TXNDC11: variants seen among roughly 807,000 people sequenced by gnomAD.
TXNDC11 encodes the protein thioredoxin domain-containing protein 11.
In TXNDC11, 68 loss-of-function variants were observed where a neutral mutation model predicts 78.0. The observed-to-expected ratio is 0.87, with a 90% confidence interval of 0.72 to 1.07. The LOEUF (loss-of-function observed/expected upper bound fraction) is 1.07. Ranked by LOEUF, TXNDC11 falls within the 50% of genes least tolerant of loss-of-function variation. TXNDC11 has a pLI of 0.00. For missense variants in TXNDC11, 1,389 were observed against 1,221.8 expected (o/e 1.14, Z -2.04); for synonymous variants, 571 against 495.2 (o/e 1.15, Z -2.03).
At chr16:11,716,347 G>A (rs1351727224) in intron 5 of TXNDC11, among the ~76,000 whole-genome samples, 1 of 152,194 alleles carries the variant, frequency 6.6e-6, no homozygotes, top group Non-Finnish European at 1.5e-5. Context: ...ATAATCATCA[G>A]ATTTTTAAAA....
intron 5 of TXNDC11, among the ~76,000 whole-genome samples, chr16:11,719,315 G>A (rs1032309435): frequency 2.0e-5 from 3 of 152,190 alleles, no homozygotes; most frequent in Non-Finnish European, 4.4e-5. Flanking sequence ...TGCTTCTTAA[G>A]CTTATTTAAG....
chr16:11,716,183 C>T (rs770019364), intron 5 of TXNDC11, among the ~76,000 whole-genome samples: 7 of 152,210 alleles, frequency 4.6e-5, no homozygotes, highest in Non-Finnish European at 7.3e-5. Flanking sequence ...CAGCCCACTG[C>T]TTTTCTCCCT....
At chr16:11,737,369 C>T (rs772664139) in intron 1 of TXNDC11, among the ~76,000 whole-genome samples, 29 of 151,420 alleles carry the variant, frequency 1.9e-4, no homozygotes, top group South Asian at 6.3e-4. Flanking sequence ...CGCTTGAACC[C>T]GGGAGGCGGA....
chr16:11,719,825 A>C (rs921858160), intron 5 of TXNDC11, among the ~76,000 whole-genome samples: 1 of 152,224 alleles, frequency 6.6e-6, no homozygotes, highest in African/African-American at 2.4e-5. Context: ...ACAAAAAAAC[A>C]ACAGGGTACC....
Position 11,742,560 on chromosome 16 carries a change from G to A in TXNDC11, c.171C>T (p.Leu57=). 6.9e-7 allele frequency: 1 copy of A among 1,456,540 alleles called. No homozygotes were observed. The highest frequency in any genetic ancestry group is 9.0e-7 in the Non-Finnish European group (1 of 1,111,086). 90.2% of individuals were successfully genotyped at this position (1,456,540 alleles called of 1,614,324 possible). The change falls in exon 1 of 12, where the codon CTC becomes CTT. Residue 57 remains leucine, a synonymous_variant. Coordinates refer to ENST00000283033, the MANE Select transcript of TXNDC11 (RefSeq NM_015914.7). ...GCAGCTCCGGCCGCTGGCGCGCCAT[G>A]AGGAAGGCGCCACGCAGCCCGCGAC... ...RLRRGLRGAF[L]MARQRPELLC...
Position 11,679,978 on chromosome 16 carries a change from A to G in TXNDC11, c.2235-141T>C, listed in dbSNP as rs573675548. 91 of 755,366 alleles carry G rather than the reference A, an allele frequency of 1.2e-4. No individual in the cohort carries two copies. The Admixed American group carries it at 1.7e-3, about 14-fold the overall frequency. The allele number at this position is 755,366 out of a possible 1,614,324, so 46.8% of individuals were successfully genotyped here. ...GATTTTACTTACTGAAAGTAAGGAAAATGTTGCCTGGGCAAGAAATTCTCT... is the reference window on the plus strand; with the variant it reads ...GATTTTACTTACTGAAAGTAAGGAAGATGTTGCCTGGGCAAGAAATTCTCT... On this transcript the variant is annotated intron_variant, in intron 11 of 11. Coordinates refer to ENST00000283033, the MANE Select transcript of TXNDC11 (RefSeq NM_015914.7). This position sits in a 1 kb window ranked among gnomAD's most constrained non-coding sequence, Gnocchi z 4.6.
Position 11,707,308 on chromosome 16 carries a change from A to G in TXNDC11, c.794-6744T>C, listed in dbSNP as rs2051210591. Among the ~76,000 whole-genome samples the G allele has an allele frequency of 3.3e-5, 5 of 150,586 alleles. No homozygotes were observed. The South Asian group carries it at 8.7e-4, about 26-fold the overall frequency. The stretch of plus-strand genomic sequence containing the variant: ...GTGGCAGGCGCCTGTAGTCCCAGCT[A>G]TTTGGGAGGCTGAGGCAGGAGAATC... On this transcript the variant is annotated intron_variant, in intron 5 of 11. Transcript: ENST00000283033.
At chr16:11,712,929 A>AACACACACACACAC (rs111887849) in intron 5 of TXNDC11, among the ~76,000 whole-genome samples, 7,805 of 141,930 alleles carry the variant, frequency 0.055, 281 homozygotes, top group Non-Finnish European at 0.083. Context: ...TTCCACTTAA[A>AACACACACACACAC]ACACACACAC....
chr16:11,691,926 G>T lies in TXNDC11; in HGVS notation c.1264C>A (p.Pro422Thr), dbSNP rs765068497. The stretch of plus-strand genomic sequence containing the variant: ...GGCAGCACCACAGTGTTGCAGCAGG[G>T]GGACGCTGTGATCGTTGGCGGGTCT... ...LPDPPTITAS[P>T]CCNTVVLPQW... Residue 422 changes from proline (P) to threonine (T), a missense_variant, in exon 8 of 12, where the codon CCC becomes ACC. Coordinates refer to ENST00000283033, the MANE Select transcript of TXNDC11 (RefSeq NM_015914.7). 5 of 1,612,928 alleles carry T rather than the reference G, an allele frequency of 3.1e-6. No individual in the cohort carries two copies.
intron 2 of TXNDC11, among the ~76,000 whole-genome samples, chr16:11,735,044 A>T (rs1187293651): frequency 6.6e-6 from 1 of 152,230 alleles, no homozygotes; most frequent in African/African-American, 2.4e-5. Flanking sequence ...TTATTATCAA[A>T]GCCCAGTACC....
At chr16:11,735,575 C>A (rs1463963385) in intron 2 of TXNDC11, among the ~76,000 whole-genome samples, 1 of 152,154 alleles carries the variant, frequency 6.6e-6, no homozygotes, top group Admixed American at 6.5e-5. Context: ...TCTTACCTAG[C>A]CCAAAGGTGG....
intron 2 of TXNDC11, among the ~76,000 whole-genome samples, chr16:11,735,685 C>A (rs574625761): frequency 1.3e-5 from 2 of 152,312 alleles, no homozygotes; most frequent in East Asian, 3.9e-4. Flanking sequence ...ACCTAAAATA[C>A]CTAACTAGCA....
At chr16:11,695,953 C>T (rs1001689021) in intron 7 of TXNDC11, among the ~76,000 whole-genome samples, 3 of 151,282 alleles carry the variant, frequency 2.0e-5, no homozygotes, top group African/African-American at 4.9e-5. Context: ...GAGGATCACC[C>T]GAGCTCAGGA....
chr16:11,689,691 G>C (rs1344264330), intron 8 of TXNDC11, among the ~76,000 whole-genome samples: 1 of 152,088 alleles, frequency 6.6e-6, no homozygotes, highest in Non-Finnish European at 1.5e-5. Flanking sequence ...TTAAACACTT[G>C]AGCATTACTG....
chr16:11,726,598 A>T (rs1267519775), intron 4 of TXNDC11, among the ~76,000 whole-genome samples: 1 of 151,712 alleles, frequency 6.6e-6, no homozygotes, highest in Non-Finnish European at 1.5e-5. Context: ...AAAAAAAAAA[A>T]AAATTTCCAC....
chr16:11,693,901 G>A (rs780669044), intron 7 of TXNDC11, among the ~76,000 whole-genome samples: 8 of 151,876 alleles, frequency 5.3e-5, no homozygotes, highest in Admixed American at 4.6e-4. Context: ...ACCCACTCCC[G>A]CAAAAACCTC....
intron 7 of TXNDC11, 120 bp from the exon 8 acceptor site, chr16:11,692,202 C>A: frequency 1.3e-6 from 1 of 755,298 alleles, no homozygotes. Flanking sequence ...TTCAAAAATA[C>A]TAAATGGAAA....
chr16:11,732,084 G>A (rs570217560), intron 3 of TXNDC11, among the ~76,000 whole-genome samples: 1 of 152,294 alleles, frequency 6.6e-6, no homozygotes, highest in Non-Finnish European at 1.5e-5. Context: ...TGCAAAGACA[G>A]GGGTGTGGAG....
intron 11 of TXNDC11, among the ~76,000 whole-genome samples, chr16:11,682,090 T>TA (rs2050438819): frequency 6.6e-6 from 1 of 152,212 alleles, no homozygotes; most frequent in African/African-American, 2.4e-5. Flanking sequence ...TTCTTTTCAC[T>TA]AAAAATAGCA....
Sources: allele counts gnomAD v4.1 joint callset (sites outside exome capture counted in the v4.1 genomes callset), GRCh38; gene constraint gnomAD v4.1.1; non-coding constraint Gnocchi (gnomAD v3.1); transcripts MANE v1.5; gene names NCBI Gene and HGNC (gene_info 2026-07-23, HGNC 2026-07-21).